The following SNX22 variants were observed in gnomAD, a reference collection of about 807,000 sequenced individuals.
The protein encoded by SNX22 is sorting nexin 22.
Under a neutral mutation model 24.7 loss-of-function variants are expected in SNX22, and 23 were observed. That is an observed-to-expected ratio of 0.93 (90% confidence interval 0.67 to 1.32). The LOEUF (loss-of-function observed/expected upper bound fraction) is 1.32, where lower values mean the gene tolerates loss of function less well. Among genes scored for constraint, SNX22 ranks in the 40% most tolerant of loss-of-function variants. The pLI is 0.00. For missense variants in SNX22, 261 were observed against 249.9 expected (o/e 1.04, Z -0.30); for synonymous variants, 99 against 104.0 (o/e 0.95, Z 0.29).
chr15:64,153,403 G>A, intron 4 of SNX22, 64 bp downstream of exon 4: 2 of 1,605,514 alleles, frequency 1.2e-6, no homozygotes, highest in South Asian at 1.1e-5. Flanking sequence ...AAAGGTGTTG[G>A]AGGGCAAGCC....
At position 64,154,806 on chromosome 15, in the gene SNX22, G is replaced by T. The variant is rs1461550766; in HGVS notation, c.*298G>T. ...TAATCCCAGCACTTTGGGAGGCCAA[G>T]ATGGGTGGATCACCTGAAGTCAGGA... is the stretch of plus-strand genomic sequence containing the variant. On this transcript the variant is annotated 3_prime_UTR_variant, in exon 7 of 7. Coordinates refer to ENST00000325881, the MANE Select transcript of SNX22 (RefSeq NM_024798.3). The T allele has an allele frequency of 8.7e-5, 21 of 241,578 alleles. No homozygotes were observed. The South Asian group carries it at 1.3e-3, about 15-fold the overall frequency. 15.0% of individuals were successfully genotyped at this position (241,578 alleles called of 1,614,324 possible).
intron 1 of SNX22, 93 bp from the exon 2 acceptor site, chr15:64,152,150 G>T: frequency 8.2e-7 from 1 of 1,213,288 alleles, no homozygotes; most frequent in South Asian, 1.8e-5. Context: ...GTGCCTTTGA[G>T]AGCGGGAGGG....
chr15:64,152,069 C>A, intron 1 of SNX22, 174 bp from the exon 2 acceptor site: 1 of 777,978 alleles, frequency 1.3e-6, no homozygotes, highest in Non-Finnish European at 1.9e-6. Context: ...GGGGCAGGTC[C>A]GCCAGCCGGT....
intron 3 of SNX22, 187 bp from the exon 4 acceptor site, chr15:64,153,058 C>T (rs761905706): frequency 5.2e-5 from 36 of 694,958 alleles, no homozygotes; most frequent in Non-Finnish European, 7.2e-5. Flanking sequence ...AAAGCTATGC[C>T]GCGTCATGGG....
intron 5 of SNX22, 39 bp from the exon 6 acceptor site, chr15:64,153,867 TCTCCACCCCTCTGTGGGATTCTGCCCTGC>T (rs2081505213): frequency 1.3e-6 from 2 of 1,591,830 alleles, no homozygotes; most frequent in Non-Finnish European, 1.7e-6. Flanking sequence ...GGCAACCCCG[TCTCCACCCCTCTGTGGGATTCTGCCCTGC>T]CTCCCGCACC....
At chr15:64,152,184 G>A in intron 1 of SNX22, 59 bp from the exon 2 acceptor site, 15 of 1,341,284 alleles carry the variant, frequency 1.1e-5, no homozygotes, top group Non-Finnish European at 1.4e-5. Flanking sequence ...AGGCGCAGGT[G>A]CTGCGGCGTC....
rs749118157 is a variant in SNX22, at chr15:64,154,436, C to T, written c.510C>T (p.Ser170=). The change falls in exon 7 of 7, where the codon AGC becomes AGT. Residue 170 remains serine (S), a synonymous_variant. Coordinates refer to ENST00000325881, the MANE Select transcript of SNX22 (RefSeq NM_024798.3). The part of the protein sequence containing the change: ...VVNGVLQGLY[S]FSISPDKAQP... Reference sequence around the variant, plus strand: ...ATGGTGTGCTCCAGGGCCTCTACAGCTTCAGCATCAGCCCAGATAAAGCCC... The same window carrying T: ...ATGGTGTGCTCCAGGGCCTCTACAGTTTCAGCATCAGCCCAGATAAAGCCC... 1.2e-6 allele frequency: 2 copies of T among 1,614,194 alleles called. No individual in the cohort carries two copies. Among genetic ancestry groups the T allele is most frequent in the Admixed American group, 1.7e-5 (1 of 60,028 alleles).
At position 64,152,739 on chromosome 15, in the gene SNX22, C is replaced by T; in HGVS notation, c.261C>T (p.Ile87=). 6.2e-7 allele frequency: 1 copy of T among 1,613,932 alleles called. No homozygotes were observed. The highest frequency in any genetic ancestry group is 8.5e-7 in the Non-Finnish European group (1 of 1,179,828). ...EQRRQGLEAY[I]QGILYLNQEV... ...GCCGGCAGGGCTTGGAGGCTTACATCCAGGTATGCGAGAGCACAGTTGGTT... is the reference window on the plus strand; with the variant it reads ...GCCGGCAGGGCTTGGAGGCTTACATTCAGGTATGCGAGAGCACAGTTGGTT... The change falls in exon 3 of 7, where the codon ATC becomes ATT. Residue 87 remains isoleucine (I), a synonymous_variant. Transcript: ENST00000325881.
chr15:64,154,263 G>C, intron 6 of SNX22, 124 bp from the exon 7 acceptor site: 1 of 1,580,008 alleles, frequency 6.3e-7, no homozygotes, highest in Non-Finnish European at 8.6e-7. Flanking sequence ...GCTTCATTTG[G>C]GGTGGACAGC....
chr15:64,151,772 G>T lies in SNX22; in HGVS notation c.-4G>T. 1.3e-6 allele frequency: 2 copies of T among 1,534,024 alleles called. No homozygotes were observed. On this transcript the variant is annotated 5_prime_UTR_variant, in exon 1 of 7. Coordinates refer to ENST00000325881, the MANE Select transcript of SNX22 (RefSeq NM_024798.3). ...CGCGCGGAGCAGCTGGGGCCGGGGC[G>T]CGGATGCTGGAAGTTCACATCCCGT... is the stretch of plus-strand genomic sequence containing the variant.
chr15:64,152,185 C>T (rs1213724062), intron 1 of SNX22, 58 bp from the exon 2 acceptor site: 4 of 1,343,422 alleles, frequency 3.0e-6, no homozygotes, highest in East Asian at 6.1e-5. Context: ...GGCGCAGGTG[C>T]TGCGGCGTCC....
chr15:64,153,334 C>G lies in SNX22; in HGVS notation c.354C>G (p.Asn118Lys). ...TCCCCACAGACCCCAAGGCTAGCAA[C>G]TGGGGGTAAGGGGGGCCGATGGCGG... ...RHFPTDPKAS[N>K]WGTLREFLPG... The change falls in exon 4 of 7, where the codon AAC (asparagine) becomes AAG (lysine). Residue 118 changes from asparagine (N) to lysine (K), a missense_variant. Asn to Lys is a moderately conservative substitution (Grantham distance 94). Transcript: ENST00000325881. The G allele has an allele frequency of 6.2e-7, 1 of 1,613,626 alleles. No individual in the cohort carries two copies. The highest frequency in any genetic ancestry group is 8.5e-7 in the Non-Finnish European group (1 of 1,179,662).
Position 64,152,749 on chromosome 15 carries a change from G to A in SNX22, c.264+7G>A. 1 of 1,613,272 alleles carries A rather than the reference G, an allele frequency of 6.2e-7. No homozygotes were observed. The highest frequency in any genetic ancestry group is 1.1e-5 in the South Asian group (1 of 91,060). On this transcript the variant is annotated splice_region_variant and intron_variant, in intron 3 of 6. Transcript: ENST00000325881. ...CTTGGAGGCTTACATCCAGGTATGCGAGAGCACAGTTGGTTGCCCCCCGGC... is the reference window on the plus strand; with the variant it reads ...CTTGGAGGCTTACATCCAGGTATGCAAGAGCACAGTTGGTTGCCCCCCGGC...
At position 64,152,167 on chromosome 15, in the gene SNX22, C is replaced by A. The variant is rs758417310; in HGVS notation, c.76-76C>A. The stretch of plus-strand genomic sequence containing the variant: ...GCCTTTGAGAGCGGGAGGGTGGGCA[C>A]GTCGCCAGGCGCAGGTGCTGCGGCG... On this transcript the variant is annotated intron_variant, in intron 1 of 6. Coordinates refer to ENST00000325881, the MANE Select transcript of SNX22 (RefSeq NM_024798.3). 3.3e-5 allele frequency: 43 copies of A among 1,283,908 alleles called. No individual in the cohort carries two copies. In the Middle Eastern group the frequency reaches 1.4e-3, roughly 42 times the overall value. The allele number at this position is 1,283,908 out of a possible 1,614,324, so 79.5% of individuals were successfully genotyped here.
At position 64,153,225 on chromosome 15, in the gene SNX22, GTCTCC is replaced by G; in HGVS notation, c.265-16_265-12del. The G allele has an allele frequency of 6.2e-7, 1 of 1,613,848 alleles. No homozygotes were observed. Among genetic ancestry groups the G allele is most frequent in the Non-Finnish European group, 8.5e-7 (1 of 1,179,808 alleles). On this transcript the variant is annotated splice_polypyrimidine_tract_variant and intron_variant, in intron 3 of 6. Transcript: ENST00000325881. ...AATTAGTAGCTGGGTCTGATTGCAGGTCTCCTCTGTCCTCTCCAGGGCATCCTGTA... is the reference window on the plus strand; with the variant it reads ...AATTAGTAGCTGGGTCTGATTGCAGGTCTGTCCTCTCCAGGGCATCCTGTA...
chr15:64,153,977 T>G lies in SNX22; in HGVS notation c.435T>G (p.Asp145Glu). Residue 145 changes from aspartate (D) to glutamate (E), a missense_variant, in exon 6 of 7, where the codon GAT becomes GAG. Coordinates refer to ENST00000325881, the MANE Select transcript of SNX22 (RefSeq NM_024798.3). The part of the protein sequence containing the change: ...HQRPVLSFHV[D>E]PYVCNPSPES... ...GGCCTGTCCTGAGCTTCCATGTGGATCCCTATGTTTGCAACCCCTCCCCAG... is the reference window on the plus strand; with the variant it reads ...GGCCTGTCCTGAGCTTCCATGTGGAGCCCTATGTTTGCAACCCCTCCCCAG... 6.2e-7 allele frequency: 1 copy of G among 1,613,946 alleles called. No individual in the cohort carries two copies. Among genetic ancestry groups the G allele is most frequent in the Non-Finnish European group, 8.5e-7 (1 of 1,179,978 alleles).
chr15:64,154,502 G>GC lies in SNX22; in HGVS notation c.579dup (p.Ter194LeufsTer20), dbSNP rs1275148650. On this transcript the variant is annotated frameshift_variant, in exon 7 of 7. Coordinates refer to ENST00000325881, the MANE Select transcript of SNX22 (RefSeq NM_024798.3). LOFTEE classifies it high-confidence loss of function. ...GTCACCCTGCTCCTCTGCCACCGAT[G>GC]CCCTGATCAGTCCAGAGGCCTTTGG... 6.2e-7 allele frequency: 1 copy of GC among 1,614,062 alleles called. No homozygotes were observed. Among genetic ancestry groups the GC allele is most frequent in the African/African-American group, 1.3e-5 (1 of 74,944 alleles).
rs2081533775 is a variant in SNX22, at chr15:64,156,652, G to C, written c.*2144G>C. Reference sequence around the variant, plus strand: ...TTTGGGAAAGGGATGGACACATGGAGCTCCTGCCCTGGGGTCTGTGTTGAA... The same window carrying C: ...TTTGGGAAAGGGATGGACACATGGACCTCCTGCCCTGGGGTCTGTGTTGAA... On this transcript the variant is annotated 3_prime_UTR_variant, in exon 7 of 7. Coordinates refer to ENST00000325881, the MANE Select transcript of SNX22 (RefSeq NM_024798.3). This position sits in a 1 kb window ranked among gnomAD's most constrained non-coding sequence, Gnocchi z 6.4. 6.4e-7 allele frequency: 1 copy of C among 1,566,190 alleles called. No individual in the cohort carries two copies.
Position 64,154,118 on chromosome 15 carries a change from C to T in SNX22, c.460+116C>T, listed in dbSNP as rs564890951. ...TGCTGCCCACCTCTGGAGCCACTAC[C>T]TCCTGCTCCTGTCCCCTGGAGCCTG... On this transcript the variant is annotated intron_variant, in intron 6 of 6. Coordinates refer to ENST00000325881, the MANE Select transcript of SNX22 (RefSeq NM_024798.3). 148 of 1,606,956 alleles carry T rather than the reference C, an allele frequency of 9.2e-5. 5 individuals are homozygous for T. The South Asian group carries it at 1.1e-3, about 11-fold the overall frequency.
Sources: allele counts gnomAD v4.1 joint callset, GRCh38; gene constraint gnomAD v4.1.1; non-coding constraint Gnocchi (gnomAD v3.1); transcripts MANE v1.5; gene names NCBI Gene and HGNC (gene_info 2026-07-23, HGNC 2026-07-21).